Variants in ACOX2 observed in about 807,000 individuals in gnomAD.
ACOX2 encodes the protein peroxisomal acyl-coenzyme A oxidase 2.
In ACOX2, 59 loss-of-function variants were observed where a neutral mutation model predicts 77.5. That is an observed-to-expected ratio of 0.76 (90% confidence interval 0.62 to 0.95). The LOEUF is 0.95. Ranked by LOEUF, ACOX2 falls within the 40% of genes least tolerant of loss-of-function variation. The pLI is 0.00. For synonymous variants in ACOX2, 317 were observed against 340.1 expected (o/e 0.93, Z 0.75); for missense variants, 837 against 880.4 (o/e 0.95, Z 0.62).
At chr3:58,517,112 C>T in intron 13 of ACOX2, 94 bp downstream of exon 13, 1 of 1,344,894 alleles carries the variant, frequency 7.4e-7, no homozygotes, top group Non-Finnish European at 1.0e-6. Context: ...GCTGCTCTGC[C>T]CATTAGCAAG....
rs573934580 is a variant in ACOX2, at chr3:58,530,769, T to C, written c.820-131A>G. ...AACCGGCGCATCTGGAGTTGGAGTGTTAAAATACCAGGCCATTTCCCCAAG... is the reference window on the plus strand; with the variant it reads ...AACCGGCGCATCTGGAGTTGGAGTGCTAAAATACCAGGCCATTTCCCCAAG... On this transcript the variant is annotated intron_variant, in intron 7 of 14. Transcript: ENST00000302819. 15 of 1,187,062 alleles carry C rather than the reference T, an allele frequency of 1.3e-5. No individual in the cohort carries two copies. The South Asian group carries it at 2.1e-4, about 17-fold the overall frequency. The allele number at this position is 1,187,062 out of a possible 1,614,324, so 73.5% of individuals were successfully genotyped here.
Position 58,515,587 on chromosome 3 carries a change from G to C in ACOX2, c.1850+1619C>G, listed in dbSNP as rs1471135053. 6.6e-6 allele frequency among the ~76,000 whole-genome samples: 1 copy of C among 152,142 alleles called. No individual in the cohort carries two copies. The highest frequency in any genetic ancestry group is 2.4e-5 in the African/African-American group (1 of 41,434). On this transcript the variant is annotated intron_variant, in intron 13 of 14. Transcript: ENST00000302819. This position sits in a 1 kb window ranked among gnomAD's most constrained non-coding sequence, Gnocchi z 4.0. ...GCTGGGATTACAGGTGTGAGCCACT[G>C]CTCCCAGCCTCTTTTTTTCTTTTTA...
Position 58,526,373 on chromosome 3 carries a change from T to G in ACOX2, c.1346+93A>C. On this transcript the variant is annotated intron_variant, in intron 10 of 14. Coordinates refer to ENST00000302819, the MANE Select transcript of ACOX2 (RefSeq NM_003500.4). This position sits in a 1 kb window ranked among gnomAD's most constrained non-coding sequence, Gnocchi z 4.3. ...AAATAGCACTTCGCAAAGCCTGCTC[T>G]TTTTATGGGCCTCAGACGGAACCCT... 7.1e-7 allele frequency: 1 copy of G among 1,413,070 alleles called. No individual in the cohort carries two copies. The highest frequency in any genetic ancestry group is 2.7e-5 in the Admixed American group (1 of 37,562). The allele number at this position is 1,413,070 out of a possible 1,614,324, so 87.5% of individuals were successfully genotyped here.
rs1426226049 is a variant in ACOX2 at position 58,519,405 on chromosome 3, G to A, written c.1633-1982C>T. On this transcript the variant is annotated intron_variant, in intron 12 of 14. Transcript: ENST00000302819. The surrounding 1 kb of genome is among the most constrained non-coding windows in gnomAD (Gnocchi z 5.0). ...TCATAGAAAAAAAAAGAGTGCCTTGGGGGTTCAAAGGAGTTCACCCAGGCG... is the reference window on the plus strand; with the variant it reads ...TCATAGAAAAAAAAAGAGTGCCTTGAGGGTTCAAAGGAGTTCACCCAGGCG... Among the ~76,000 whole-genome samples, 1 of 152,100 alleles carries A rather than the reference G, an allele frequency of 6.6e-6. No homozygotes were observed. The highest frequency in any genetic ancestry group is 2.4e-5 in the African/African-American group (1 of 41,412).
intron 12 of ACOX2, 131 bp from the exon 13 acceptor site, chr3:58,517,554 C>A: frequency 1.2e-6 from 1 of 810,936 alleles, no homozygotes; most frequent in Non-Finnish European, 2.0e-6. Flanking sequence ...TGAGCAGCTG[C>A]CTTTTCTCCT....
At position 58,525,093 on chromosome 3, in the gene ACOX2, C is replaced by T. The variant is rs554007317; in HGVS notation, c.1347-488G>A. ...GCCCTGGATTCCCATACAGCCTCGC[C>T]GAGACCTGTGTGATGAAAGAAGCTT... On this transcript the variant is annotated intron_variant, in intron 10 of 14. Coordinates refer to ENST00000302819, the MANE Select transcript of ACOX2 (RefSeq NM_003500.4). This position sits in a 1 kb window ranked among gnomAD's most constrained non-coding sequence, Gnocchi z 5.0. 2.0e-5 allele frequency among the ~76,000 whole-genome samples: 3 copies of T among 152,150 alleles called. No individual in the cohort carries two copies. Among genetic ancestry groups the T allele is most frequent in the Admixed American group, 6.5e-5 (1 of 15,282 alleles).
Position 58,514,565 on chromosome 3 carries a change from CA to C in ACOX2, c.1850+2640del, listed in dbSNP as rs1329160329. Among the ~76,000 whole-genome samples, 2 of 152,198 alleles carry C rather than the reference CA, an allele frequency of 1.3e-5. No homozygotes were observed. Among genetic ancestry groups the C allele is most frequent in the Non-Finnish European group, 2.9e-5 (2 of 68,040 alleles). Reference sequence around the variant, plus strand: ...CAAGGCAGGGAACTGTGACACCAAACAGTGATATGCATAGAATCTGTTATGT... The same window carrying C: ...CAAGGCAGGGAACTGTGACACCAAACGTGATATGCATAGAATCTGTTATGT... On this transcript the variant is annotated intron_variant, in intron 13 of 14. Transcript: ENST00000302819. This position sits in a 1 kb window ranked among gnomAD's most constrained non-coding sequence, Gnocchi z 4.3.
chr3:58,516,850 G>GA (rs1027093794), intron 13 of ACOX2, among the ~76,000 whole-genome samples: 4 of 150,748 alleles, frequency 2.7e-5, no homozygotes, highest in Non-Finnish European at 4.4e-5. Context: ...AAAAAGAAAA[G>GA]AAAAAAAAAG....
rs1490384084 is a variant in ACOX2, at chr3:58,508,872, T to A, written c.1983+21A>T. The stretch of plus-strand genomic sequence containing the variant: ...GTTCTCTGCTTTCTTACATAATTTA[T>A]AATGTGTTCCACTCAACTACCTGAG... On this transcript the variant is annotated intron_variant, in intron 14 of 14. Transcript: ENST00000302819. 1.9e-6 allele frequency: 3 copies of A among 1,612,776 alleles called. No homozygotes were observed. The African/African-American group carries it at 4.0e-5, about 22-fold the overall frequency.
intron 13 of ACOX2, chr3:58,511,173 T>C (rs193083863): frequency 1.1e-5 from 4 of 376,652 alleles, no homozygotes; most frequent in Non-Finnish European, 1.6e-5. Flanking sequence ...GTCTACTAGA[T>C]GTCTTTTCCT....
rs2063294712 is a variant in ACOX2 at position 58,512,409 on chromosome 3, T to C, written c.1851-3384A>G. Among the ~76,000 whole-genome samples the C allele has an allele frequency of 6.6e-6, 1 of 152,256 alleles. No individual in the cohort carries two copies. Among genetic ancestry groups the C allele is most frequent in the Non-Finnish European group, 1.5e-5 (1 of 68,050 alleles). On this transcript the variant is annotated intron_variant, in intron 13 of 14. Coordinates refer to ENST00000302819, the MANE Select transcript of ACOX2 (RefSeq NM_003500.4). This position sits in a 1 kb window ranked among gnomAD's most constrained non-coding sequence, Gnocchi z 4.8. The stretch of plus-strand genomic sequence containing the variant: ...TCTCCCTGCTTTTCACTCTTAGTTC[T>C]TAATATGGCAGCTGGAGCAAGCCTT...
In ACOX2 at chr3:58,531,482, A is replaced by G. The variant is rs1440421673; in HGVS notation, c.704-116T>C. 1.6e-6 allele frequency: 2 copies of G among 1,231,856 alleles called. No homozygotes were observed. The highest frequency in any genetic ancestry group is 3.0e-5 in the African/African-American group (2 of 66,208). The allele number at this position is 1,231,856 out of a possible 1,614,324, so 76.3% of individuals were successfully genotyped here. On this transcript the variant is annotated intron_variant, in intron 6 of 14. Coordinates refer to ENST00000302819, the MANE Select transcript of ACOX2 (RefSeq NM_003500.4). This position sits in a 1 kb window ranked among gnomAD's most constrained non-coding sequence, Gnocchi z 5.8. The stretch of plus-strand genomic sequence containing the variant: ...CTGTGACACTGGGATTATTGTACCT[A>G]TTTTGCAGGTGAACAAGCTGAGGTC...
At chr3:58,506,664 G>A (rs1197792757) in intron 14 of ACOX2, among the ~76,000 whole-genome samples, 3 of 152,126 alleles carry the variant, frequency 2.0e-5, no homozygotes, top group Non-Finnish European at 4.4e-5. Flanking sequence ...GGGTTTGGTG[G>A]CTTGTGCCTG....
intron 12 of ACOX2, among the ~76,000 whole-genome samples, 195 bp from the exon 13 acceptor site, chr3:58,517,618 G>C (rs567371140): frequency 8.9e-4 from 133 of 149,400 alleles, no homozygotes; most frequent in Non-Finnish European, 1.6e-3. Flanking sequence ...TGTGTTGGGG[G>C]GGGGAGCGGG....
rs577406270 is a variant in ACOX2 at position 58,535,904 on chromosome 3, T to A, written c.-91-707A>T. On this transcript the variant is annotated intron_variant, in intron 1 of 14. Coordinates refer to ENST00000302819, the MANE Select transcript of ACOX2 (RefSeq NM_003500.4). The surrounding 1 kb of genome is among the most constrained non-coding windows in gnomAD (Gnocchi z 4.8). The stretch of plus-strand genomic sequence containing the variant: ...ATTTCACAAGTCTCTTGAGTCCATC[T>A]GCTCCTTGCTATCTCTTTGGCTAGC... Among the ~76,000 whole-genome samples, 3 of 152,336 alleles carry A rather than the reference T, an allele frequency of 2.0e-5. No homozygotes were observed. The highest frequency in any genetic ancestry group is 7.2e-5 in the African/African-American group (3 of 41,572).
chr3:58,518,340 T>A (rs2063336776), intron 12 of ACOX2, among the ~76,000 whole-genome samples: 1 of 152,200 alleles, frequency 6.6e-6, no homozygotes, highest in Non-Finnish European at 1.5e-5. Flanking sequence ...TCCACTGCCA[T>A]CAACCCTGTG....
Position 58,534,013 on chromosome 3 carries a change from T to A in ACOX2, c.456A>T (p.Ala152=). Residue 152 remains alanine (A), a synonymous_variant, in exon 4 of 15, where the codon GCA becomes GCT. Coordinates refer to ENST00000302819, the MANE Select transcript of ACOX2 (RefSeq NM_003500.4). This position sits in a 1 kb window ranked among gnomAD's most constrained non-coding sequence, Gnocchi z 4.8. ...GCTCACCATGTCCCAACTCTGTCTG[T>A]GCATACGTTGCGATGATCTGGATGT... ...CKNIQIIATY[A]QTELGHGTYL... is the part of the protein sequence containing the mutation. The A allele has an allele frequency of 6.2e-7, 1 of 1,614,234 alleles. No individual in the cohort carries two copies. The highest frequency in any genetic ancestry group is 8.5e-7 in the Non-Finnish European group (1 of 1,180,042).
rs142094321 is a variant in ACOX2, at chr3:58,530,618, G to A, written c.840C>T (p.Tyr280=). 372 of 1,614,018 alleles carry A rather than the reference G, an allele frequency of 2.3e-4. No individual in the cohort carries two copies. Among genetic ancestry groups the A allele is most frequent in the Non-Finnish European group, 3.0e-4 (351 of 1,180,008 alleles). Residue 280 remains tyrosine (Y), a synonymous_variant, in exon 8 of 15, where the codon TAC becomes TAT. Coordinates refer to ENST00000302819, the MANE Select transcript of ACOX2 (RefSeq NM_003500.4). ...TGCTCTGTGCTGTACCGAGTTTGAC[G>A]TAGGTGCCATCTGGCAAGACCTGTG... ...RFAQVLPDGT[Y]VKLGTAQSNY...
Position 58,533,483 on chromosome 3 carries a change from C to T in ACOX2, c.545G>A (p.Ser182Asn). The T allele has an allele frequency of 6.2e-7, 1 of 1,613,958 alleles. No homozygotes were observed. The highest frequency in any genetic ancestry group is 8.5e-7 in the Non-Finnish European group (1 of 1,179,976). The change falls in exon 5 of 15, where the codon AGC becomes AAC. Residue 182 changes from serine to asparagine, a missense_variant. Physicochemically the swap from Ser to Asn is conservative, Grantham distance 46. Transcript: ENST00000302819. This position sits in a 1 kb window ranked among gnomAD's most constrained non-coding sequence, Gnocchi z 5.6. ...CCATTTGGTGGCAGTCAGCGTGGGG[C>T]TGTGTATCACAAACTCCTGGGTGGC... ...DAATQEFVIH[S>N]PTLTATKWWP...
Sources: gnomAD v4.1 joint callset for allele counts (sites outside exome capture counted in the v4.1 genomes callset) on GRCh38, gnomAD v4.1.1 for gene constraint, Gnocchi (gnomAD v3.1) non-coding constraint, MANE v1.5 for transcripts, NCBI Gene and HGNC (gene_info 2026-07-23, HGNC 2026-07-21) for gene names.